Variants in ADGRL2 observed in about 807,000 individuals in gnomAD.
ADGRL2 encodes adhesion G protein-coupled receptor L2, also known as calcium-independent alpha-latrotoxin receptor 2.
In ADGRL2, 44 loss-of-function variants were observed where a neutral mutation model predicts 157.4. The ratio of observed to expected loss-of-function variants is 0.28; its 90% CI spans 0.22 to 0.36. The LOEUF is 0.36. Among genes scored for constraint, ADGRL2 ranks in the 10% least tolerant of loss-of-function variants. The pLI is 1.00. For synonymous variants in ADGRL2, 585 were observed against 624.7 expected (o/e 0.94, Z 0.95); for missense variants, 1,510 against 1,768.9 (o/e 0.85, Z 2.63).
At chr1:81,524,086 C>A (rs1436577379) in intron 2 of ADGRL2, among the ~76,000 whole-genome samples, 1 of 144,372 alleles carries the variant, frequency 6.9e-6, no homozygotes, top group Non-Finnish European at 1.5e-5. Flanking sequence ...ATGGGCCAGG[C>A]GCAGTGGCTC....
At chr1:81,541,548 G>A (rs2079883539) in intron 2 of ADGRL2, among the ~76,000 whole-genome samples, 2 of 152,004 alleles carry the variant, frequency 1.3e-5, no homozygotes, top group South Asian at 4.2e-4. Flanking sequence ...GCAAACATAG[G>A]GTGTTTGCTT....
chr1:81,413,427 C>T (rs561206413), intron 1 of ADGRL2, among the ~76,000 whole-genome samples: 11 of 151,786 alleles, frequency 7.2e-5, no homozygotes, highest in East Asian at 1.9e-4. Flanking sequence ...ACCAAAGTAT[C>T]GTAAGAAAAC....
At chr1:81,451,286 G>A (rs2077698163) in intron 2 of ADGRL2, among the ~76,000 whole-genome samples, 1 of 152,128 alleles carries the variant, frequency 6.6e-6, no homozygotes, top group South Asian at 2.1e-4. Context: ...TAGAGTCAAA[G>A]TCATTACCAA....
intron 2 of ADGRL2, among the ~76,000 whole-genome samples, chr1:81,466,679 GCACACACACA>G (rs5775620): frequency 6.6e-6 from 1 of 151,168 alleles, no homozygotes; most frequent in African/African-American, 2.4e-5. Context: ...TCACGCGCGC[GCACACACACA>G]CACATACACA....
intron 17 of ADGRL2, among the ~76,000 whole-genome samples, chr1:81,977,882 A>G (rs758440889): frequency 1.3e-5 from 2 of 151,720 alleles, no homozygotes; most frequent in African/African-American, 2.4e-5. Flanking sequence ...ATTCAAAAAC[A>G]AAGAGTCAGA....
At chr1:81,390,522 A>T (rs2076523173) in intron 1 of ADGRL2, among the ~76,000 whole-genome samples, 1 of 152,312 alleles carries the variant, frequency 6.6e-6, no homozygotes, top group South Asian at 2.1e-4. Context: ...TGCTTATGAC[A>T]GGAAAGCTCA....
intron 2 of ADGRL2, among the ~76,000 whole-genome samples, chr1:81,572,819 C>A (rs1307760355): frequency 6.6e-6 from 1 of 151,552 alleles, no homozygotes; most frequent in Non-Finnish European, 1.5e-5. Context: ...TGGTAATAAG[C>A]ATTGTGACTC....
At chr1:81,753,826 T>C (rs2085569945) in intron 1 of ADGRL2, among the ~76,000 whole-genome samples, 1 of 152,170 alleles carries the variant, frequency 6.6e-6, no homozygotes, top group South Asian at 2.1e-4. Flanking sequence ...TGGAAAGTTG[T>C]CATTATTACT....
chr1:81,941,715 T>C (rs932107221), intron 4 of ADGRL2, among the ~76,000 whole-genome samples: 3 of 151,734 alleles, frequency 2.0e-5, no homozygotes, highest in African/African-American at 4.8e-5. Flanking sequence ...AAGGCAAGAG[T>C]ATGTATACCA....
At chr1:81,583,553 C>T (rs1277695617) in intron 3 of ADGRL2, among the ~76,000 whole-genome samples, 3 of 152,030 alleles carry the variant, frequency 2.0e-5, no homozygotes, top group Admixed American at 6.6e-5. Context: ...TTAAGATTTA[C>T]GTTTACTTAT....
At chr1:81,576,631 C>T (rs937583609) in intron 2 of ADGRL2, among the ~76,000 whole-genome samples, 3 of 152,054 alleles carry the variant, frequency 2.0e-5, no homozygotes, top group East Asian at 1.9e-4. Context: ...TTTAGTTCGG[C>T]GCACCCACAT....
intron 2 of ADGRL2, among the ~76,000 whole-genome samples, chr1:81,571,406 T>G (rs1188281948): frequency 6.8e-6 from 1 of 147,882 alleles, no homozygotes; most frequent in African/African-American, 2.5e-5. Flanking sequence ...TGTATATATA[T>G]GTATATATGT....
intron 19 of ADGRL2, among the ~76,000 whole-genome samples, chr1:81,983,059 T>TATATACAGGCA (rs1662111195): frequency 6.6e-6 from 1 of 151,724 alleles, no homozygotes; most frequent in South Asian, 2.1e-4. Flanking sequence ...AGTGAGCATT[T>TATATACAGGCA]TATTATTGTA....
intron 3 of ADGRL2, among the ~76,000 whole-genome samples, chr1:81,587,702 C>T (rs10493695): frequency 0.72 from 109,188 of 151,936 alleles, 39,492 homozygotes; most frequent in African/African-American, 0.77. Context: ...AAGAATCGTG[C>T]TTTAAAAAAT....
intron 22 of ADGRL2, 62 bp from the exon 23 acceptor site, chr1:81,987,807 G>T: frequency 7.5e-6 from 2 of 264,956 alleles, no homozygotes; most frequent in East Asian, 1.4e-4. Flanking sequence ...ATTTTTTAAT[G>T]TAACTGCAGC....
chr1:81,946,618 G>T (rs1649942711), intron 6 of ADGRL2, among the ~76,000 whole-genome samples: 1 of 151,974 alleles, frequency 6.6e-6, no homozygotes, highest in African/African-American at 2.4e-5. Context: ...CAACATTTGG[G>T]TTAGACTAAT....
At chr1:81,843,457 A>G (rs964997985) in intron 2 of ADGRL2, among the ~76,000 whole-genome samples, 2 of 152,310 alleles carry the variant, frequency 1.3e-5, no homozygotes, top group East Asian at 1.9e-4. Context: ...TTAAGAAAAT[A>G]CTTAACTGTA....
intron 2 of ADGRL2, among the ~76,000 whole-genome samples, chr1:81,447,159 T>C (rs1290713864): frequency 6.6e-6 from 1 of 151,464 alleles, no homozygotes; most frequent in Non-Finnish European, 1.5e-5. Flanking sequence ...TAATAGGTTA[T>C]TTATTGAAGG....
intron 2 of ADGRL2, among the ~76,000 whole-genome samples, chr1:81,790,370 A>AAC (rs1323945041): frequency 1.3e-5 from 2 of 152,096 alleles, no homozygotes; most frequent in Middle Eastern, 3.4e-3. Flanking sequence ...TTACTTAAAT[A>AAC]ACACACACAC....
Sources: allele counts gnomAD v4.1 joint callset (sites outside exome capture counted in the v4.1 genomes callset), GRCh38; gene constraint gnomAD v4.1.1; transcripts MANE v1.5; gene names NCBI Gene and HGNC (gene_info 2026-07-23, HGNC 2026-07-21).